DMTF1: variants seen among roughly 807,000 people sequenced by gnomAD.
DMTF1 encodes cyclin D binding myb like transcription factor 1, also known as cyclin-D-binding Myb-like transcription factor 1.
A neutral mutation model predicts 91.1 loss-of-function variants in DMTF1; 39 were observed. The observed-to-expected ratio is 0.43, with a 90% CI of 0.33 to 0.56. The LOEUF (loss-of-function observed/expected upper bound fraction) is 0.56, where lower values mean the gene tolerates loss of function less well. Ranked by LOEUF, DMTF1 falls within the 20% of genes least tolerant of loss-of-function variation. The pLI is 0.05. For missense variants in DMTF1, 750 were observed against 914.5 expected, an observed-to-expected ratio of 0.82 and a Z score of 2.32; for synonymous variants, 338 against 309.5, an observed-to-expected ratio of 1.09 and a Z score of -0.97.
At chr7:87,194,520 GA>G in intron 16 of DMTF1, 163 bp from the exon 17 acceptor site, 1 of 521,876 alleles carries the variant, frequency 1.9e-6, no homozygotes, top group Non-Finnish European at 3.3e-6. Flanking sequence ...AAGTATGTTA[GA>G]TTGTGAGGTC....
At chr7:87,177,259 A>C (rs913082187) in intron 7 of DMTF1, among the ~76,000 whole-genome samples, 1 of 152,140 alleles carries the variant, frequency 6.6e-6, no homozygotes, top group South Asian at 2.1e-4. Flanking sequence ...GCAAATGTGC[A>C]AGTTACCCAT....
chr7:87,193,587 TAA>T lies in DMTF1; in HGVS notation c.1651-136_1651-135del, dbSNP rs1800431744. 8 of 934,216 alleles carry T rather than the reference TAA, an allele frequency of 8.6e-6. No individual in the cohort carries two copies. In the South Asian group the frequency reaches 1.4e-4, roughly 16 times the overall value. 57.9% of individuals were successfully genotyped at this position (934,216 alleles called of 1,614,324 possible). On this transcript the variant is annotated intron_variant, in intron 15 of 17. Coordinates refer to ENST00000331242, the MANE Select transcript of DMTF1 (RefSeq NM_001142327.2). ...TTAGAAGAACAAAGGCCCTAGCAAG[TAA>T]AGGACAAGGGTTCTAGAAAAATAGT...
At chr7:87,159,060 A>C (rs546649808) in intron 1 of DMTF1, among the ~76,000 whole-genome samples, 5 of 152,154 alleles carry the variant, frequency 3.3e-5, no homozygotes, top group African/African-American at 9.6e-5. Flanking sequence ...AAATTTACAG[A>C]TGGTGGTTGA....
At chr7:87,179,106 G>A (rs991683903) in intron 7 of DMTF1, among the ~76,000 whole-genome samples, 1 of 151,660 alleles carries the variant, frequency 6.6e-6, no homozygotes, top group Non-Finnish European at 1.5e-5. Flanking sequence ...TTCTAATACT[G>A]TTTGTGTCTT....
At chr7:87,172,263 G>A (rs561087481) in intron 5 of DMTF1, among the ~76,000 whole-genome samples, 13 of 152,194 alleles carry the variant, frequency 8.5e-5, no homozygotes, top group African/African-American at 3.1e-4. Context: ...CTTTATACAG[G>A]TCCCTCTTGA....
intron 14 of DMTF1, among the ~76,000 whole-genome samples, chr7:87,191,444 C>T (rs1799746724): frequency 6.6e-6 from 1 of 152,056 alleles, no homozygotes; most frequent in South Asian, 2.1e-4. Flanking sequence ...TGTTGTAGCT[C>T]CTGAAGAGGT....
chr7:87,164,328 G>A (rs527251088), intron 2 of DMTF1: 2 of 152,112 alleles, frequency 1.3e-5, no homozygotes, highest in Non-Finnish European at 2.9e-5. Context: ...GTGTAAAATA[G>A]CAGGTAAGGA....
intron 14 of DMTF1, among the ~76,000 whole-genome samples, chr7:87,192,176 T>C (rs1799984997): frequency 6.6e-6 from 1 of 152,128 alleles, no homozygotes; most frequent in African/African-American, 2.4e-5. Flanking sequence ...ATTTAGGCTT[T>C]CCCTTAATTT....
At position 87,188,289 on chromosome 7, in the gene DMTF1, A is replaced by T. The variant is rs1798915786; in HGVS notation, c.1399A>T (p.Ile467Phe). The T allele has an allele frequency of 6.2e-7, 1 of 1,613,822 alleles. No individual in the cohort carries two copies. The highest frequency in any genetic ancestry group is 8.5e-7 in the Non-Finnish European group (1 of 1,179,808). ...PMAALQIPVQITHVSSADSPA... is the reference protein window; with the variant it reads ...PMAALQIPVQFTHVSSADSPA... ...GGCAGCATTGCAGATTCCAGTCCAG[A>T]TCACCCATGTTTGTAAGTGTTTGAT... Residue 467 changes from isoleucine to phenylalanine, a missense_variant, in exon 13 of 18, where the codon ATC (isoleucine) becomes TTC (phenylalanine). By Grantham distance (21) the Ile-to-Phe change is conservative. Coordinates refer to ENST00000331242, the MANE Select transcript of DMTF1 (RefSeq NM_001142327.2).
At chr7:87,185,571 A>C (rs1334819384) in intron 11 of DMTF1, among the ~76,000 whole-genome samples, 1 of 152,210 alleles carries the variant, frequency 6.6e-6, no homozygotes, top group East Asian at 1.9e-4. Context: ...ACAGTGCCTC[A>C]TCTGGCTCTA....
chr7:87,179,409 T>G (rs991734702), intron 7 of DMTF1, 136 bp from the exon 8 acceptor site: 1 of 597,358 alleles, frequency 1.7e-6, no homozygotes, highest in African/African-American at 1.9e-5. Context: ...ATATTTGATT[T>G]ATTAATGAAT....
At chr7:87,161,613 T>C (rs1792431241) in intron 1 of DMTF1, among the ~76,000 whole-genome samples, 2 of 152,234 alleles carry the variant, frequency 1.3e-5, no homozygotes, top group African/African-American at 2.4e-5. Flanking sequence ...ACAAATAAGC[T>C]TGATAATTTA....
At chr7:87,182,897 T>C (rs2129151483) in intron 10 of DMTF1, among the ~76,000 whole-genome samples, 1 of 152,320 alleles carries the variant, frequency 6.6e-6, no homozygotes, top group East Asian at 1.9e-4. Context: ...CATGCAGATG[T>C]CCTGATCATA....
intron 1 of DMTF1, among the ~76,000 whole-genome samples, chr7:87,160,000 G>T (rs1019792514): frequency 6.6e-6 from 1 of 152,146 alleles, no homozygotes; most frequent in Non-Finnish European, 1.5e-5. Flanking sequence ...CAGAGTTGGC[G>T]ATTTTCCTGT....
intron 1 of DMTF1, among the ~76,000 whole-genome samples, chr7:87,153,573 T>G (rs1562760102): frequency 6.6e-6 from 1 of 152,082 alleles, no homozygotes; most frequent in Non-Finnish European, 1.5e-5. Context: ...CTCCTCCCTT[T>G]CTCTCATTGA....
chr7:87,179,531 T>C lies in DMTF1; in HGVS notation c.520-14T>C. 1.3e-6 allele frequency: 2 copies of C among 1,497,788 alleles called. No individual in the cohort carries two copies. Among genetic ancestry groups the C allele is most frequent in the South Asian group, 1.5e-5 (1 of 68,962 alleles). The allele number at this position is 1,497,788 out of a possible 1,614,324, so 92.8% of individuals were successfully genotyped here. The stretch of plus-strand genomic sequence containing the variant: ...ATCAGAAATCCCTAAATCAAAGAAA[T>C]GTAACCCATTTAGGCACGCGGAATA... On this transcript the variant is annotated splice_polypyrimidine_tract_variant and intron_variant, in intron 7 of 17. Transcript: ENST00000331242.
At position 87,195,412 on chromosome 7, in the gene DMTF1, TCACTTCAGC is replaced by T. The variant is rs983491678; in HGVS notation, c.*277_*285del. 2 of 287,270 alleles carry T rather than the reference TCACTTCAGC, an allele frequency of 7.0e-6. No individual in the cohort carries two copies. Among genetic ancestry groups the T allele is most frequent in the Non-Finnish European group, 1.3e-5 (2 of 153,436 alleles). 17.8% of individuals were successfully genotyped at this position (287,270 alleles called of 1,614,324 possible). A position where few individuals can be genotyped will look rare whatever the true frequency, so the allele number is the denominator to read the frequency against. On this transcript the variant is annotated 3_prime_UTR_variant, in exon 18 of 18. Coordinates refer to ENST00000331242, the MANE Select transcript of DMTF1 (RefSeq NM_001142327.2). ...GTTACATGGGAATAAGGAATTTCAT[TCACTTCAGC>T]CACTAAGAAAAGTTTAGAATCACGA...
At chr7:87,172,265 C>T (rs1426532768) in intron 5 of DMTF1, among the ~76,000 whole-genome samples, 4 of 152,090 alleles carry the variant, frequency 2.6e-5, no homozygotes. Context: ...TTATACAGGT[C>T]CCTCTTGATT....
At chr7:87,158,171 G>C (rs1791283900) in intron 1 of DMTF1, among the ~76,000 whole-genome samples, 1 of 151,944 alleles carries the variant, frequency 6.6e-6, no homozygotes, top group South Asian at 2.1e-4. Flanking sequence ...CATTTGTATT[G>C]ATTATTAATG....
Sources: gnomAD v4.1 joint callset for allele counts (sites outside exome capture counted in the v4.1 genomes callset) on GRCh38, gnomAD v4.1.1 for gene constraint, MANE v1.5 for transcripts, NCBI Gene and HGNC (gene_info 2026-07-23, HGNC 2026-07-21) for gene names.